SAYSD1: variants seen among roughly 807,000 people sequenced by gnomAD.
The protein encoded by SAYSD1 is SAYSVFN motif domain containing 1.
A neutral mutation model predicts 14.5 loss-of-function variants in SAYSD1; 15 were observed. The observed-to-expected ratio is 1.03, with a 90% confidence interval of 0.69 to 1.59. The LOEUF (loss-of-function observed/expected upper bound fraction) is 1.59, where lower values mean the gene tolerates loss of function less well. Among genes scored for constraint, SAYSD1 ranks in the 40% most tolerant of loss-of-function variants. The pLI, the probability that SAYSD1 is intolerant of heterozygous loss-of-function variation, is 0.00. For missense variants in SAYSD1, 247 were observed against 227.3 expected, an observed-to-expected ratio of 1.09 and a Z score of -0.56; for synonymous variants, 105 against 102.6, an observed-to-expected ratio of 1.02 and a Z score of -0.14.
At position 39,105,613 on chromosome 6, in the gene SAYSD1, G is replaced by T. The variant is rs1454729730; in HGVS notation, c.371C>A (p.Ala124Glu). 9.9e-6 allele frequency: 16 copies of T among 1,614,030 alleles called. No individual in the cohort carries two copies. The highest frequency in any genetic ancestry group is 1.3e-5 in the Non-Finnish European group (15 of 1,180,022). The change falls in exon 2 of 2, where the codon GCA (alanine) becomes GAA (glutamate). Residue 124 changes from alanine to glutamate, a missense_variant. Ala to Glu is a moderately radical substitution (Grantham distance 107, BLOSUM62 -1). Transcript: ENST00000229903. The stretch of plus-strand genomic sequence containing the variant: ...ATAGAACAAGGACAGGACAAAATAT[G>T]CCAGGCCAAATTCCAGTTCCACAAA... ...GLFVELEFGLAYFVLSLFYWM... is the reference protein window; with the variant it reads ...GLFVELEFGLEYFVLSLFYWM...
chr6:39,109,554 TTTAG>T, intron 1 of SAYSD1: 2 of 1,431,234 alleles, frequency 1.4e-6, no homozygotes, highest in Middle Eastern at 2.4e-4. Context: ...AATGACATGG[TTTAG>T]TTATTTTGAT....
intron 1 of SAYSD1, among the ~76,000 whole-genome samples, chr6:39,108,248 A>G (rs1412993920): frequency 6.6e-6 from 1 of 152,176 alleles, no homozygotes; most frequent in Non-Finnish European, 1.5e-5. Context: ...CAACTTACTG[A>G]TAAGAAAACA....
In SAYSD1 at chr6:39,109,497, A is replaced by C. The variant is rs1769586652; in HGVS notation, c.208-3721T>G. The C allele has an allele frequency of 3.4e-6, 5 of 1,482,624 alleles. No homozygotes were observed. The East Asian group carries it at 1.2e-4, about 37-fold the overall frequency. 91.8% of individuals were successfully genotyped at this position (1,482,624 alleles called of 1,614,324 possible). A position where few individuals can be genotyped will look rare whatever the true frequency, so the allele number is the denominator to read the frequency against. ...CGGGTCGGGGCAGAGGCATCATTGCAGTCAGAGCTTGGCCCAAATGGAGGC... is the reference window on the plus strand; with the variant it reads ...CGGGTCGGGGCAGAGGCATCATTGCCGTCAGAGCTTGGCCCAAATGGAGGC... On this transcript the variant is annotated intron_variant, in intron 1 of 1. Transcript: ENST00000229903.
In SAYSD1 at chr6:39,114,853, G is replaced by A. The variant is rs749453934; in HGVS notation, c.207+30C>T. ...CCCTCGACTGTGGCTCCGAGGCCAG[G>A]TCCTAGGGCCGAAGTTTCCATCGTC... On this transcript the variant is annotated intron_variant, in intron 1 of 1. Transcript: ENST00000229903. 2.9e-5 allele frequency: 46 copies of A among 1,603,632 alleles called. No individual in the cohort carries two copies. In the South Asian group the frequency reaches 5.1e-4, roughly 18 times the overall value.
intron 1 of SAYSD1, among the ~76,000 whole-genome samples, chr6:39,107,274 A>G (rs575414980): frequency 6.6e-6 from 1 of 152,264 alleles, no homozygotes; most frequent in South Asian, 2.1e-4. Context: ...CCTTCCTTCC[A>G]GGCAAGCACC....
rs1275215298 is a variant in SAYSD1, at chr6:39,105,417, C to T, written c.*15G>A. 6.2e-7 allele frequency: 1 copy of T among 1,609,270 alleles called. No individual in the cohort carries two copies. The highest frequency in any genetic ancestry group is 1.7e-5 in the Admixed American group (1 of 59,900). ...ACCACATCAGAGGTTAGCTGCATGA[C>T]AGCACAGCTGGGTCCTATCTCCCTG... On this transcript the variant is annotated 3_prime_UTR_variant, in exon 2 of 2. Transcript: ENST00000229903.
chr6:39,111,306 A>C (rs1769620898), intron 1 of SAYSD1: 1 of 152,238 alleles, frequency 6.6e-6, no homozygotes, highest in Non-Finnish European at 1.5e-5. Flanking sequence ...AAGAAGTACA[A>C]GTGACATCAG....
chr6:39,112,705 C>T (rs917883553), intron 1 of SAYSD1: 5 of 152,168 alleles, frequency 3.3e-5, no homozygotes, highest in African/African-American at 1.2e-4. Flanking sequence ...ATCTCAACTA[C>T]AACATGAAAA....
At chr6:39,112,691 G>C (rs1374691318) in intron 1 of SAYSD1, 1 of 152,224 alleles carries the variant, frequency 6.6e-6, no homozygotes, top group Non-Finnish European at 1.5e-5. Context: ...GTAGAGGAGA[G>C]AATATCTCAA....
At chr6:39,106,208 T>G (rs1202387940) in intron 1 of SAYSD1, among the ~76,000 whole-genome samples, 1 of 151,550 alleles carries the variant, frequency 6.6e-6, no homozygotes, top group Non-Finnish European at 1.5e-5. Context: ...GATTCTAAAA[T>G]AGAGACAGGA....
At position 39,109,368 on chromosome 6, in the gene SAYSD1, T is replaced by C. The variant is rs148524067; in HGVS notation, c.208-3592A>G. On this transcript the variant is annotated intron_variant, in intron 1 of 1. Transcript: ENST00000229903. Reference sequence around the variant, plus strand: ...TCGTCACAGAATTATTTCAGGAAACTGCTTTTCTCCAAGCAAAATCTGGTA... The same window carrying C: ...TCGTCACAGAATTATTTCAGGAAACCGCTTTTCTCCAAGCAAAATCTGGTA... The C allele has an allele frequency of 5.7e-5, 88 of 1,550,890 alleles. 1 individual carries two copies. Among genetic ancestry groups the C allele is most frequent in the Middle Eastern group, 3.3e-4 (2 of 5,992 alleles).
chr6:39,113,441 A>G (rs1769668918), intron 1 of SAYSD1: 1 of 152,648 alleles, frequency 6.6e-6, no homozygotes, highest in Non-Finnish European at 1.5e-5. Context: ...AAGAAAAAAA[A>G]TTAAATGAGA....
intron 1 of SAYSD1, among the ~76,000 whole-genome samples, chr6:39,107,647 C>T (rs1769530556): frequency 6.6e-6 from 1 of 152,182 alleles, no homozygotes; most frequent in Non-Finnish European, 1.5e-5. Context: ...TCTTTTTTAG[C>T]ATCAACATTG....
intron 1 of SAYSD1, among the ~76,000 whole-genome samples, chr6:39,108,692 G>A (rs982604315): frequency 1.3e-5 from 2 of 151,974 alleles, no homozygotes; most frequent in Admixed American, 6.6e-5. Flanking sequence ...ATATCACTTG[G>A]TTGACCCCTC....
chr6:39,106,549 T>TA (rs112311352), intron 1 of SAYSD1, among the ~76,000 whole-genome samples: 15,264 of 152,074 alleles, frequency 0.1, 850 homozygotes, highest in Middle Eastern at 0.18. Flanking sequence ...AAACCACTGT[T>TA]ACAGCCATTA....
At chr6:39,110,231 C>T (rs943949069) in intron 1 of SAYSD1, 1 of 152,658 alleles carries the variant, frequency 6.6e-6, no homozygotes, top group African/African-American at 2.4e-5. Context: ...CTCCACGTTG[C>T]TGGAAGTGGG....
intron 1 of SAYSD1, chr6:39,111,674 T>C (rs1170622780): frequency 6.6e-6 from 1 of 152,198 alleles, no homozygotes. Context: ...ATGATGCTCA[T>C]TAAGCAATAT....
In SAYSD1 at chr6:39,104,688, T is replaced by C. The variant is rs372232734; in HGVS notation, c.*744A>G. ...AAACAACTCAAGCAGCCAACGGGTC[T>C]GGAGTTAACACTTCCAGCCCTCCCC... On this transcript the variant is annotated 3_prime_UTR_variant, in exon 2 of 2. Transcript: ENST00000229903. 35 of 152,166 alleles carry C rather than the reference T, an allele frequency of 2.3e-4. No individual in the cohort carries two copies. The highest frequency in any genetic ancestry group is 8.0e-4 in the African/African-American group (33 of 41,428). The allele number at this position is 152,166 out of a possible 1,614,324, so 9.4% of individuals were successfully genotyped here.
At chr6:39,111,971 TAGAA>T (rs2113740188) in intron 1 of SAYSD1, 1 of 152,066 alleles carries the variant, frequency 6.6e-6, no homozygotes, top group South Asian at 2.1e-4. Context: ...AGGGAAGAGT[TAGAA>T]AGGAAAGTGG....
Sources: gnomAD v4.1 joint callset for allele counts (sites outside exome capture counted in the v4.1 genomes callset) on GRCh38, gnomAD v4.1.1 for gene constraint, MANE v1.5 for transcripts, NCBI Gene and HGNC (gene_info 2026-07-23, HGNC 2026-07-21) for gene names.